The following FLII variants were observed in gnomAD, a reference collection of about 807,000 sequenced individuals.
FLII encodes the protein protein flightless-1 homolog.
A neutral mutation model predicts 156.2 loss-of-function variants in FLII; 101 were observed. The ratio of observed to expected loss-of-function variants is 0.65; its 90% CI spans 0.55 to 0.76. The LOEUF is 0.76. FLII is among the 30% of genes least tolerant of loss of function. The pLI, the probability that FLII is intolerant of heterozygous loss-of-function variation, is 0.00. For synonymous variants in FLII, 767 were observed against 685.8 expected, an observed-to-expected ratio of 1.12 and a Z score of -1.85; for missense variants, 1,675 against 1,682.8, an observed-to-expected ratio of 1.00 and a Z score of 0.08.
At chr17:18,251,153 C>A in intron 13 of FLII, 112 bp downstream of exon 13, 1 of 1,414,020 alleles carries the variant, frequency 7.1e-7, no homozygotes, top group South Asian at 1.3e-5. Flanking sequence ...CCTCCTGCAG[C>A]CTGCCCACCT....
intron 20 of FLII, 90 bp downstream of exon 20, chr17:18,247,567 G>A: frequency 3.9e-6 from 5 of 1,277,302 alleles, no homozygotes; most frequent in Non-Finnish European, 5.3e-6. Flanking sequence ...TTTGGGCCCA[G>A]CTCTGTAGGG....
intron 4 of FLII, 98 bp downstream of exon 4, chr17:18,255,085 T>G: frequency 9.2e-7 from 1 of 1,088,110 alleles, no homozygotes; most frequent in South Asian, 1.2e-5. Flanking sequence ...TTTTCCCATC[T>G]GCAAAATGGG....
At chr17:18,256,764 G>C (rs1597925449) in intron 2 of FLII, 145 bp downstream of exon 2, 2 of 781,708 alleles carry the variant, frequency 2.6e-6, no homozygotes, top group Admixed American at 4.3e-5. Context: ...ACACCTCCCT[G>C]GACAGGGTGC....
chr17:18,255,988 C>T (rs1047208714), intron 3 of FLII, among the ~76,000 whole-genome samples: 1 of 152,266 alleles, frequency 6.6e-6, no homozygotes, highest in Non-Finnish European at 1.5e-5. Flanking sequence ...AGGGCTCTGA[C>T]TTCAGATGGG....
At position 18,252,087 on chromosome 17, in the gene FLII, G is replaced by A. The variant is rs117739261; in HGVS notation, c.1158C>T (p.Ala386=). ...LVMPPKPADR[A]AEWYNIDFSL... ...AGAAGTCGATGTTGTACCACTCAGC[G>A]GCACGGTCTGCGGGCTTGGGCGGCA... The change falls in exon 11 of 30, where the codon GCC becomes GCT. Residue 386 remains alanine (A), a synonymous_variant. Transcript: ENST00000327031. 1.2e-3 allele frequency: 1,904 copies of A among 1,613,444 alleles called. 37 individuals are homozygous for A. In the East Asian group the frequency reaches 0.033, roughly 28 times the overall value.
At position 18,247,708 on chromosome 17, in the gene FLII, G is replaced by A. The variant is rs371558437; in HGVS notation, c.2436C>T (p.His812=). ...GGCTGACCGTGGCATGGCGTGGCCG[G>A]TGCAGCATCCCGCACAGCTCCTGAC... ...KLGQELCGML[H]RPRHATVSRS... is the part of the protein sequence containing the mutation. Residue 812 remains histidine, a synonymous_variant, in exon 20 of 30, where the codon CAC becomes CAT. Transcript: ENST00000327031. 164 of 1,602,152 alleles carry A rather than the reference G, an allele frequency of 1.0e-4. No individual in the cohort carries two copies. The highest frequency in any genetic ancestry group is 1.3e-4 in the Non-Finnish European group (156 of 1,179,202).
At position 18,248,613 on chromosome 17, in the gene FLII, C is replaced by T. The variant is rs2048162943; in HGVS notation, c.2127G>A (p.Glu709=). 1.9e-6 allele frequency: 3 copies of T among 1,613,798 alleles called. No homozygotes were observed. Among genetic ancestry groups the T allele is most frequent in the South Asian group, 2.2e-5 (2 of 91,074 alleles). The stretch of plus-strand genomic sequence containing the variant: ...GCACGTGCTTCTTGATCTCAGAGGG[C>T]TCCCCACCCAGTGCCTCCCAGAACT... ...LPEFWEALGG[E]PSEIKKHVPE... is the part of the protein sequence containing the mutation. Residue 709 remains glutamate, a synonymous_variant, in exon 18 of 30, where the codon GAG becomes GAA. Transcript: ENST00000327031.
intron 3 of FLII, among the ~76,000 whole-genome samples, chr17:18,255,658 T>G (rs2048393398): frequency 6.6e-6 from 1 of 152,012 alleles, no homozygotes; most frequent in South Asian, 2.1e-4. Context: ...TTTCTCTCCC[T>G]AACTTAAGAC....
rs1162489148 is a variant in FLII, at chr17:18,258,730, C to A, written c.-40G>T. On this transcript the variant is annotated 5_prime_UTR_variant, in exon 1 of 30. Coordinates refer to ENST00000327031, the MANE Select transcript of FLII (RefSeq NM_002018.4). This position sits in a 1 kb window ranked among gnomAD's most constrained non-coding sequence, Gnocchi z 4.2. ...TGCCGGGCCGCGCCGGGCTAGGGAG[C>A]GCCGGGGCGAGGGCGCTGGGGGGAG... is the stretch of plus-strand genomic sequence containing the variant. 16 of 1,368,410 alleles carry A rather than the reference C, an allele frequency of 1.2e-5. No homozygotes were observed. The highest frequency in any genetic ancestry group is 1.3e-5 in the Non-Finnish European group (14 of 1,065,190). The allele number at this position is 1,368,410 out of a possible 1,614,324, so 84.8% of individuals were successfully genotyped here. A position where few individuals can be genotyped will look rare whatever the true frequency, so the allele number is the denominator to read the frequency against.
chr17:18,258,346 CG>C lies in FLII; in HGVS notation c.63+281del, dbSNP rs2048491156. On this transcript the variant is annotated intron_variant, in intron 1 of 29. Coordinates refer to ENST00000327031, the MANE Select transcript of FLII (RefSeq NM_002018.4). This position sits in a 1 kb window ranked among gnomAD's most constrained non-coding sequence, Gnocchi z 4.2. Reference sequence around the variant, plus strand: ...CCCCAGGCCACCATCCAGCCTAGACCGAGAACACGGACGCGGGGTGGGGGCT... The same window carrying C: ...CCCCAGGCCACCATCCAGCCTAGACCAGAACACGGACGCGGGGTGGGGGCT... 2 of 763,712 alleles carry C rather than the reference CG, an allele frequency of 2.6e-6. No individual in the cohort carries two copies. Among genetic ancestry groups the C allele is most frequent in the Non-Finnish European group, 4.1e-6 (2 of 490,876 alleles). 47.3% of individuals were successfully genotyped at this position (763,712 alleles called of 1,614,324 possible). A position where few individuals can be genotyped will look rare whatever the true frequency, so the allele number is the denominator to read the frequency against.
intron 22 of FLII, 26 bp downstream of exon 22, chr17:18,246,887 T>C (rs750160359): frequency 3.1e-6 from 5 of 1,614,012 alleles, no homozygotes; most frequent in Non-Finnish European, 3.4e-6. Flanking sequence ...GGGAGGGACT[T>C]GGGGAAGGGA....
At position 18,256,752 on chromosome 17, in the gene FLII, G is replaced by C. The variant is rs995307629; in HGVS notation, c.175-155C>G. The C allele has an allele frequency of 2.6e-5, 21 of 796,484 alleles. No homozygotes were observed. The East Asian group carries it at 2.7e-4, about 10-fold the overall frequency. 49.3% of individuals were successfully genotyped at this position (796,484 alleles called of 1,614,324 possible). A position where few individuals can be genotyped will look rare whatever the true frequency, so the allele number is the denominator to read the frequency against. On this transcript the variant is annotated intron_variant, in intron 2 of 29. Coordinates refer to ENST00000327031, the MANE Select transcript of FLII (RefSeq NM_002018.4). ...TCCCTCACTCACCCGGCCTCTTCTTGCACACCTCCCTGGACAGGGTGCCCA... is the reference window on the plus strand; with the variant it reads ...TCCCTCACTCACCCGGCCTCTTCTTCCACACCTCCCTGGACAGGGTGCCCA...
chr17:18,258,815 G>T, upstream of FLII: 2 of 527,394 alleles, frequency 3.8e-6, no homozygotes, highest in Non-Finnish European at 5.5e-6. This position sits in a 1 kb window ranked among gnomAD's most constrained non-coding sequence, Gnocchi z 4.2. Flanking sequence ...GCCGCATTCC[G>T]CGGGGAAGTG....
Position 18,252,156 on chromosome 17 carries a change from A to G in FLII, c.1099-10T>C, listed in dbSNP as rs1187825334. 8.7e-6 allele frequency: 14 copies of G among 1,612,026 alleles called. No homozygotes were observed. Among genetic ancestry groups the G allele is most frequent in the Non-Finnish European group, 1.1e-5 (13 of 1,179,106 alleles). On this transcript the variant is annotated splice_polypyrimidine_tract_variant and intron_variant, in intron 10 of 29. Coordinates refer to ENST00000327031, the MANE Select transcript of FLII (RefSeq NM_002018.4). Reference sequence around the variant, plus strand: ...CCCGCACATCCAGGACCTGCCCCATAGGGTGAGCAGAGCCGGCACTGAGCC... The same window carrying G: ...CCCGCACATCCAGGACCTGCCCCATGGGGTGAGCAGAGCCGGCACTGAGCC...
intron 13 of FLII, 31 bp downstream of exon 13, chr17:18,251,234 C>G (rs780116945): frequency 9.4e-6 from 15 of 1,601,064 alleles, no homozygotes; most frequent in Non-Finnish European, 1.3e-5. Context: ...TACTGGGCCA[C>G]ATGGCCCCTA....
chr17:18,256,187 G>A (rs2048410187), intron 3 of FLII, among the ~76,000 whole-genome samples: 1 of 152,248 alleles, frequency 6.6e-6, no homozygotes, highest in Non-Finnish European at 1.5e-5. Flanking sequence ...CAACATTAGT[G>A]GAGGGCTAGA....
rs1391824986 is a variant in FLII at position 18,247,047 on chromosome 17, C to T, written c.2682G>A (p.Glu894=). 1.2e-6 allele frequency: 2 copies of T among 1,613,014 alleles called. No individual in the cohort carries two copies. Among genetic ancestry groups the T allele is most frequent in the East Asian group, 4.5e-5 (2 of 44,850 alleles). ...CTTCGTTCCACTCCTCCATCAGCTG[C>T]TCCGCCTGCAGGTGAGAGGGACCCG... The part of the protein sequence containing the change: ...RQPPMSLAEA[E]QLMEEWNEDL... Residue 894 remains glutamate, a synonymous_variant, in exon 22 of 30, where the codon GAG becomes GAA. Transcript: ENST00000327031.
chr17:18,245,794 C>T lies in FLII; in HGVS notation c.3453G>A (p.Gln1151=). ...ACTCGGCATCGTCATCATAGGGCTT[C>T]TGTGCCCCAATGCCCACCCAGAAGA... ...ENFFWVGIGA[Q]KPYDDDAEYM... The change falls in exon 27 of 30, where the codon CAG becomes CAA. Residue 1151 remains glutamine, a synonymous_variant. Coordinates refer to ENST00000327031, the MANE Select transcript of FLII (RefSeq NM_002018.4). 1 of 1,614,090 alleles carries T rather than the reference C, an allele frequency of 6.2e-7. No homozygotes were observed. Among genetic ancestry groups the T allele is most frequent in the Non-Finnish European group, 8.5e-7 (1 of 1,180,016 alleles).
chr17:18,252,184 G>C (rs1388961898), intron 10 of FLII, 38 bp from the exon 11 acceptor site: 1 of 1,570,566 alleles, frequency 6.4e-7, no homozygotes, highest in Non-Finnish European at 8.8e-7. Flanking sequence ...ACTGAGCCTG[G>C]GTCCTACCTC....
Sources: gnomAD v4.1 joint callset for allele counts (sites outside exome capture counted in the v4.1 genomes callset) on GRCh38, gnomAD v4.1.1 for gene constraint, Gnocchi (gnomAD v3.1) non-coding constraint, MANE v1.5 for transcripts, NCBI Gene and HGNC (gene_info 2026-07-23, HGNC 2026-07-21) for gene names.